The following BLTP1 variants were observed in gnomAD, a reference collection of about 807,000 sequenced individuals.
BLTP1 encodes fragile site-associated protein.
At chr4:122,251,061 C>T in the BLTP1 span, 2 of 985,178 alleles carry the variant, frequency 2.0e-6, no homozygotes, top group Non-Finnish European at 2.4e-6. Context: ...AGTACAGTAA[C>T]AGCAACAACA....
chr4:122,330,248 G>A, the BLTP1 span, among the ~76,000 whole-genome samples: 3 of 151,800 alleles, frequency 2.0e-5, no homozygotes, highest in African/African-American at 7.3e-5. Context: ...ATACCCAGAA[G>A]TGGGATCTCT....
the BLTP1 span, chr4:122,292,997 C>G: frequency 1.2e-5 from 10 of 821,542 alleles, no homozygotes; most frequent in Non-Finnish European, 1.5e-5. Context: ...AGTCTAGTCT[C>G]CCTTAGGAAA....
At chr4:122,184,990 G>A in the BLTP1 span, 2 of 984,332 alleles carry the variant, frequency 2.0e-6, no homozygotes, top group Admixed American at 1.2e-4. Context: ...ATATCATATA[G>A]TATAGAAGAG....
the BLTP1 span, chr4:122,298,727 TAAATAGAGG>T: frequency 4.5e-6 from 2 of 444,188 alleles, no homozygotes; most frequent in Non-Finnish European, 6.0e-6. Context: ...TTAAGTAGTA[TAAATAGAGG>T]ATGTATTGAG....
the BLTP1 span, chr4:122,222,893 A>G: frequency 1.6e-6 from 1 of 636,982 alleles, no homozygotes; most frequent in Middle Eastern, 7.9e-4. Context: ...TGCAAACTGT[A>G]ATAACATTTA....
chr4:122,201,755 G>T, the BLTP1 span: 4 of 385,342 alleles, frequency 1.0e-5, no homozygotes, highest in Non-Finnish European at 1.4e-5. Context: ...CATAAAGTTG[G>T]TCTAATTTGC....
the BLTP1 span, among the ~76,000 whole-genome samples, chr4:122,228,632 A>G: frequency 2.6e-5 from 4 of 152,230 alleles, no homozygotes; most frequent in Admixed American, 2.6e-4. Context: ...ATTTTCTTCT[A>G]ACCTAAACAT....
At chr4:122,321,979 A>ATTTTTTTTTTTTTTTTTTTTTT in the BLTP1 span, among the ~76,000 whole-genome samples, 21 of 27,018 alleles carry the variant, frequency 7.8e-4, 1 homozygote, top group Admixed American at 1.6e-3. Flanking sequence ...ACTACATGTA[A>ATTTTTTTTTTTTTTTTTTTTTT]TTTTTTTTTT....
At chr4:122,342,919 C>T in the BLTP1 span, among the ~76,000 whole-genome samples, 3 of 152,114 alleles carry the variant, frequency 2.0e-5, no homozygotes, top group Non-Finnish European at 2.9e-5. Context: ...CCTGTCCATC[C>T]CTAGTAAATG....
chr4:122,359,461 A>G, the BLTP1 span: 3 of 1,486,850 alleles, frequency 2.0e-6, no homozygotes, highest in East Asian at 4.7e-5. Context: ...GGCTTTGGCC[A>G]GGTCATAGAT....
the BLTP1 span, among the ~76,000 whole-genome samples, chr4:122,184,216 A>G: frequency 1.3e-5 from 2 of 152,234 alleles, no homozygotes; most frequent in African/African-American, 4.8e-5. Flanking sequence ...GAATGTGTCA[A>G]AAGCCAAGAC....
chr4:122,227,641 T>C, the BLTP1 span: 1 of 219,064 alleles, frequency 4.6e-6, no homozygotes, highest in Non-Finnish European at 7.7e-6. Flanking sequence ...TTGTTTGCTG[T>C]TATATTACTG....
chr4:122,249,398 C>G, the BLTP1 span: 4 of 1,534,234 alleles, frequency 2.6e-6, no homozygotes, highest in South Asian at 2.6e-5. Flanking sequence ...TTAAAGACAA[C>G]CAGTGTGCCA....
chr4:122,212,468 A>C, the BLTP1 span, among the ~76,000 whole-genome samples: 1 of 152,276 alleles, frequency 6.6e-6, no homozygotes, highest in Admixed American at 6.5e-5. Context: ...AAGAGGCTGC[A>C]TTGTATTTTA....
the BLTP1 span, chr4:122,279,765 C>G: frequency 6.2e-7 from 1 of 1,609,710 alleles, no homozygotes; most frequent in South Asian, 1.1e-5. Flanking sequence ...TCTTCTTTCT[C>G]TATTGATAGA....
At chr4:122,244,960 T>C in the BLTP1 span, 1 of 1,572,478 alleles carries the variant, frequency 6.4e-7, no homozygotes, top group African/African-American at 1.4e-5. Context: ...TATGTTTACA[T>C]AAACTAAGTT....
the BLTP1 span, among the ~76,000 whole-genome samples, chr4:122,157,981 T>G: frequency 2.6e-5 from 4 of 152,294 alleles, no homozygotes; most frequent in African/African-American, 9.6e-5. Flanking sequence ...GTGGGTAGTT[T>G]GCTGTGTATC....
the BLTP1 span, among the ~76,000 whole-genome samples, chr4:122,291,361 A>G: frequency 6.6e-6 from 1 of 152,244 alleles, no homozygotes; most frequent in Non-Finnish European, 1.5e-5. Context: ...GAATATTGAG[A>G]GGGAATACTT....
the BLTP1 span, chr4:122,248,183 T>C: frequency 1.1e-6 from 1 of 878,396 alleles, no homozygotes; most frequent in Non-Finnish European, 1.4e-6. Flanking sequence ...CAAGGGACTT[T>C]TCATGACTAC....
Sources: allele counts gnomAD v4.1 joint callset (sites outside exome capture counted in the v4.1 genomes callset), GRCh38; gene constraint gnomAD v4.1.1; transcripts MANE v1.5; gene names NCBI Gene and HGNC (gene_info 2026-07-23, HGNC 2026-07-21).